Variants in SEM1 observed in about 807,000 individuals in gnomAD.
The protein encoded by SEM1 is SEM1 26S proteasome subunit.
A neutral mutation model predicts 12.7 loss-of-function variants in SEM1; 3 were observed. That is an observed-to-expected ratio of 0.24 (90% CI 0.11 to 0.61). The LOEUF is 0.61. SEM1 is among the 20% of genes least tolerant of loss of function. The pLI, the probability that SEM1 is intolerant of heterozygous loss-of-function variation, is 0.88. For synonymous variants in SEM1, 30 were observed against 27.8 expected (o/e 1.08, Z -0.25); for missense variants, 59 against 81.3 (o/e 0.73, Z 1.06).
intron 2 of SEM1, among the ~76,000 whole-genome samples, chr7:96,655,906 TAGTGAAA>T (rs973683124): frequency 6.6e-6 from 1 of 152,192 alleles, no homozygotes; most frequent in African/African-American, 2.4e-5. Flanking sequence ...TTTATTATAA[TAGTGAAA>T]AGTGAAAATG....
intron 2 of SEM1, among the ~76,000 whole-genome samples, chr7:96,583,168 T>G (rs1806480093): frequency 6.6e-6 from 1 of 151,262 alleles, no homozygotes; most frequent in Non-Finnish European, 1.5e-5. Context: ...TCTGGTATGT[T>G]GTGTCTTTGT....
rs142916510 is a variant in SEM1, at chr7:96,523,457, C to T, written c.171-16759G>A. Among the ~76,000 whole-genome samples the T allele has an allele frequency of 3.1e-3, 464 of 152,082 alleles. 2 individuals carry two copies. Among genetic ancestry groups the T allele is most frequent in the African/African-American group, 0.011 (455 of 41,500 alleles). ...TTTTACCTGAGGAGTGCAAAATGCC[C>T]CAGGGTTCAAAAGAGGGAAAGATCA... On this transcript the variant is annotated intron_variant and NMD_transcript_variant, in intron 2 of 3. Coordinates refer to the SEM1 transcript ENST00000466986.
intron 2 of SEM1, among the ~76,000 whole-genome samples, chr7:96,516,599 T>C (rs1804102655): frequency 6.6e-6 from 1 of 152,026 alleles, no homozygotes. Context: ...CTGGTGAGAG[T>C]GTGGAGAACC....
chr7:96,709,117 T>A lies in SEM1; in HGVS notation c.76+571A>T, dbSNP rs547860572. On this transcript the variant is annotated intron_variant, in intron 1 of 2. Coordinates refer to ENST00000248566, the MANE Select transcript of SEM1 (RefSeq NM_006304.2). ...GGCGTGAGCCACCACACCCGGCAAG[T>A]TTTAGGGTCTTATAAAGCATTAAGT... Among the ~76,000 whole-genome samples, 14 of 152,152 alleles carry A rather than the reference T, an allele frequency of 9.2e-5. No individual in the cohort carries two copies. The South Asian group carries it at 2.7e-3, about 29-fold the overall frequency.
At chr7:96,484,029 T>C in intron 3 of SEM1, 2 of 1,447,464 alleles carry the variant, frequency 1.4e-6, no homozygotes, top group Non-Finnish European at 1.8e-6. Flanking sequence ...CAGGAATCAT[T>C]TGATTACACT....
At chr7:96,626,249 C>A (rs1373617533) in intron 2 of SEM1, among the ~76,000 whole-genome samples, 6 of 152,026 alleles carry the variant, frequency 3.9e-5, no homozygotes, top group Admixed American at 3.9e-4. Context: ...ATTTTTAGAT[C>A]CCACAAATAA....
At chr7:96,546,424 A>G (rs1356638393) in intron 2 of SEM1, among the ~76,000 whole-genome samples, 1 of 152,132 alleles carries the variant, frequency 6.6e-6, no homozygotes, top group Admixed American at 6.6e-5. Context: ...GTGAAGTAAT[A>G]CAATCTTTGA....
intron 2 of SEM1, among the ~76,000 whole-genome samples, chr7:96,654,626 G>A (rs1360681496): frequency 1.3e-5 from 2 of 152,112 alleles, no homozygotes; most frequent in African/African-American, 4.8e-5. Flanking sequence ...CCATCTGTAG[G>A]CTAATATAAC....
intron 2 of SEM1, among the ~76,000 whole-genome samples, chr7:96,636,506 A>C (rs1808432535): frequency 6.6e-6 from 1 of 151,972 alleles, no homozygotes; most frequent in Non-Finnish European, 1.5e-5. Flanking sequence ...AAATCCAAGA[A>C]GCTCCCCTTC....
chr7:96,627,865 T>A (rs1054650252), intron 2 of SEM1, among the ~76,000 whole-genome samples: 3 of 152,064 alleles, frequency 2.0e-5, no homozygotes, highest in Non-Finnish European at 4.4e-5. Flanking sequence ...GAAAATGGAG[T>A]GTTGAAGTCT....
chr7:96,521,161 A>C (rs6961784), intron 2 of SEM1, among the ~76,000 whole-genome samples: 65,074 of 151,904 alleles, frequency 0.43, 14,457 homozygotes, highest in East Asian at 0.74. Flanking sequence ...GAGGGCCTGC[A>C]ATCTCTTATT....
At chr7:96,594,394 A>C (rs1407615551) in intron 2 of SEM1, among the ~76,000 whole-genome samples, 11 of 150,226 alleles carry the variant, frequency 7.3e-5, no homozygotes, top group Admixed American at 7.3e-4. Context: ...TGGGAATATG[A>C]AAACCCCCCC....
At chr7:96,545,884 T>C (rs182128628) in intron 2 of SEM1, among the ~76,000 whole-genome samples, 2 of 152,228 alleles carry the variant, frequency 1.3e-5, no homozygotes, top group African/African-American at 2.4e-5. Flanking sequence ...ATTCCCATAG[T>C]TGATATAGCA....
chr7:96,531,647 T>C (rs946106535), intron 2 of SEM1, among the ~76,000 whole-genome samples: 1 of 150,710 alleles, frequency 6.6e-6, no homozygotes, highest in African/African-American at 2.4e-5. Context: ...ATTATTCATA[T>C]GTCTATCAAT....
At chr7:96,672,069 G>A (rs1036902372), downstream of SEM1, among the ~76,000 whole-genome samples, 3 of 152,184 alleles carry the variant, frequency 2.0e-5, no homozygotes, top group Admixed American at 6.5e-5. Flanking sequence ...TGGTAACTCC[G>A]AGTAAGACAA....
rs1166419740 is a variant in SEM1, at chr7:96,595,498, CA to C, written c.171-88801del. Among the ~76,000 whole-genome samples the C allele has an allele frequency of 3.9e-4, 59 of 152,206 alleles. No individual in the cohort carries two copies. The East Asian group carries it at 0.011, about 29-fold the overall frequency. On this transcript the variant is annotated intron_variant and NMD_transcript_variant, in intron 2 of 3. Coordinates refer to the SEM1 transcript ENST00000466986. ...CTGCACTCCAGACAGAGTGAGACCC[CA>C]TCTCACAAAAACACAAAACAAACAA... is the stretch of plus-strand genomic sequence containing the variant.
intron 2 of SEM1, among the ~76,000 whole-genome samples, chr7:96,537,293 C>T (rs1219776029): frequency 7.3e-5 from 11 of 151,552 alleles, no homozygotes; most frequent in Non-Finnish European, 1.2e-4. Context: ...TTGCTTTGAA[C>T]ACTTTTTTTA....
At chr7:96,603,571 T>C (rs2116201155) in intron 2 of SEM1, among the ~76,000 whole-genome samples, 1 of 152,300 alleles carries the variant, frequency 6.6e-6, no homozygotes, top group East Asian at 1.9e-4. Flanking sequence ...TGTACGCACA[T>C]AAAAAAGGTA....
At chr7:96,514,818 T>A (rs1267547789) in intron 2 of SEM1, among the ~76,000 whole-genome samples, 1 of 147,476 alleles carries the variant, frequency 6.8e-6, no homozygotes, top group African/African-American at 2.5e-5. Flanking sequence ...ACTCAGTTAT[T>A]GTCAAGATAT....
Sources: allele counts gnomAD v4.1 joint callset (sites outside exome capture counted in the v4.1 genomes callset), GRCh38; gene constraint gnomAD v4.1.1; transcripts MANE v1.5; gene names NCBI Gene and HGNC (gene_info 2026-07-23, HGNC 2026-07-21).